CCDC150: variants seen among roughly 807,000 people sequenced by gnomAD.
CCDC150 encodes coiled-coil domain-containing protein 150.
Under a neutral mutation model 156.5 loss-of-function variants are expected in CCDC150, and 151 were observed. That is an observed-to-expected ratio of 0.97 (90% CI 0.85 to 1.10). CCDC150 has a LOEUF of 1.10. Among genes scored for constraint, CCDC150 ranks in the 50% least tolerant of loss-of-function variants. The pLI is 0.00. For synonymous variants in CCDC150, 452 were observed against 429.4 expected (o/e 1.05, Z -0.65); for missense variants, 1,312 against 1,268.1 (o/e 1.03, Z -0.53).
Position 196,639,777 on chromosome 2 carries a change from A to T in CCDC150, c.11A>T (p.Lys4Met). The T allele has an allele frequency of 6.3e-7, 1 of 1,579,424 alleles. No homozygotes were observed. The highest frequency in any genetic ancestry group is 8.6e-7 in the Non-Finnish European group (1 of 1,159,056). Residue 4 changes from lysine to methionine, a missense_variant and splice_region_variant, in exon 1 of 28, where the codon AAG becomes ATG. Lys to Met is a moderately conservative substitution (Grantham distance 95). Coordinates refer to ENST00000389175, the MANE Select transcript of CCDC150 (RefSeq NM_001080539.2). MDC[K>M]VHMETTVSRP... ...GCCTCAGGCGGACAGATGGACTGTA[A>T]GGTGAGGCTGCCGGGCCCCGGGCTG... is the stretch of plus-strand genomic sequence containing the variant.
chr2:196,694,086 C>T (rs925589665), intron 13 of CCDC150, among the ~76,000 whole-genome samples: 9 of 107,064 alleles, frequency 8.4e-5, no homozygotes, highest in Admixed American at 2.5e-4. Flanking sequence ...GATGGAGTTT[C>T]GCTCTTGTTA....
chr2:196,703,323 C>T (rs189730932), intron 15 of CCDC150, among the ~76,000 whole-genome samples: 1 of 152,202 alleles, frequency 6.6e-6, no homozygotes, highest in East Asian at 1.9e-4. Flanking sequence ...GCTTGCGGAA[C>T]AATACATTAC....
chr2:196,713,625 T>C, intron 17 of CCDC150: 1 of 1,499,460 alleles, frequency 6.7e-7, no homozygotes, highest in East Asian at 2.5e-5. Context: ...AAAATAGAGA[T>C]TCTAGCCTCA....
intron 18 of CCDC150, chr2:196,719,259 A>G: frequency 5.8e-6 from 2 of 346,590 alleles, no homozygotes; most frequent in South Asian, 5.8e-5. Context: ...ATGCTGTAAC[A>G]TGACCACAGT....
chr2:196,671,419 TTCTC>T (rs1173828147), intron 8 of CCDC150, among the ~76,000 whole-genome samples: 1 of 143,920 alleles, frequency 6.9e-6, no homozygotes, highest in South Asian at 2.3e-4. Context: ...TTTCTTTCTT[TTCTC>T]TCTCTTTTTT....
chr2:196,685,926 T>C lies in CCDC150; in HGVS notation c.1509+8565T>C, dbSNP rs574220043. On this transcript the variant is annotated intron_variant, in intron 13 of 27. Coordinates refer to ENST00000389175, the MANE Select transcript of CCDC150 (RefSeq NM_001080539.2). ...ACCGCGCCCAGCCGGTTGAATGTTT[T>C]TCTTTCAGCATTTTGAATATGTCAT... Among the ~76,000 whole-genome samples the C allele has an allele frequency of 2.0e-5, 3 of 152,294 alleles. No individual in the cohort carries two copies. In the East Asian group the frequency reaches 5.8e-4, roughly 29 times the overall value.
chr2:196,685,948 T>C (rs988524829), intron 13 of CCDC150, among the ~76,000 whole-genome samples: 1 of 152,130 alleles, frequency 6.6e-6, no homozygotes, highest in African/African-American at 2.4e-5. Context: ...TTTGAATATG[T>C]CATCCCACTG....
At position 196,732,578 on chromosome 2, in the gene CCDC150, A is replaced by C. The variant is rs1698583528; in HGVS notation, c.*16A>C. On this transcript the variant is annotated 3_prime_UTR_variant, in exon 28 of 28. Transcript: ENST00000389175. Reference sequence around the variant, plus strand: ...GAGGAAGTGATGTCCTTGACAAGGGAGCTTCTTTATGTGTAGCTACACTCC... The same window carrying C: ...GAGGAAGTGATGTCCTTGACAAGGGCGCTTCTTTATGTGTAGCTACACTCC... 2.0e-6 allele frequency: 3 copies of C among 1,537,796 alleles called. No homozygotes were observed. Among genetic ancestry groups the C allele is most frequent in the Non-Finnish European group, 2.7e-6 (3 of 1,110,950 alleles).
At chr2:196,709,900 C>T (rs1490877690) in intron 15 of CCDC150, among the ~76,000 whole-genome samples, 1 of 152,128 alleles carries the variant, frequency 6.6e-6, no homozygotes, top group African/African-American at 2.4e-5. Flanking sequence ...TGGTGGGGCA[C>T]CCGGCTGTAT....
At chr2:196,709,134 G>A (rs1392499113) in intron 15 of CCDC150, among the ~76,000 whole-genome samples, 1 of 152,122 alleles carries the variant, frequency 6.6e-6, no homozygotes, top group Non-Finnish European at 1.5e-5. Context: ...TCACTTTCAG[G>A]TACACCAATC....
At position 196,732,071 on chromosome 2, in the gene CCDC150, G is replaced by A; in HGVS notation, c.3108G>A (p.Lys1036=). 8.1e-6 allele frequency: 13 copies of A among 1,613,790 alleles called. No individual in the cohort carries two copies. The highest frequency in any genetic ancestry group is 1.1e-5 in the Non-Finnish European group (13 of 1,179,746). Residue 1036 remains lysine, a synonymous_variant, in exon 27 of 28, where the codon AAG becomes AAA. Coordinates refer to ENST00000389175, the MANE Select transcript of CCDC150 (RefSeq NM_001080539.2). Reference sequence around the variant, plus strand: ...TGGAAGAAGCTCATCGCTGGTTTAAGCACAGGTTTGATGGTCTACAACTTG... The same window carrying A: ...TGGAAGAAGCTCATCGCTGGTTTAAACACAGGTTTGATGGTCTACAACTTG... ...ANLEEAHRWF[K]HRFDGLQLEL...
intron 17 of CCDC150, among the ~76,000 whole-genome samples, chr2:196,714,079 A>G (rs1697324210): frequency 6.6e-6 from 1 of 152,184 alleles, no homozygotes; most frequent in African/African-American, 2.4e-5. Context: ...TCTTTATCTG[A>G]TATTTAGAAA....
chr2:196,680,993 G>A (rs1694782345), intron 13 of CCDC150, among the ~76,000 whole-genome samples: 1 of 152,114 alleles, frequency 6.6e-6, no homozygotes, highest in African/African-American at 2.4e-5. Context: ...ATTTTAAAGT[G>A]AACAATTCAG....
At chr2:196,728,044 C>T (rs1021602886) in intron 22 of CCDC150, 5 of 136,018 alleles carry the variant, frequency 3.7e-5, no homozygotes, top group Non-Finnish European at 7.9e-5. Flanking sequence ...AGAATACTTA[C>T]AAAATGAAAT....
chr2:196,694,433 G>T (rs921050221), intron 13 of CCDC150, among the ~76,000 whole-genome samples: 1 of 152,080 alleles, frequency 6.6e-6, no homozygotes, highest in African/African-American at 2.4e-5. Flanking sequence ...TTATAGTAAA[G>T]GGGAACTATA....
intron 2 of CCDC150, among the ~76,000 whole-genome samples, chr2:196,650,078 A>C (rs1341758708): frequency 1.3e-5 from 2 of 152,198 alleles, no homozygotes; most frequent in Non-Finnish European, 2.9e-5. Context: ...TTCAGTCCTG[A>C]TCAGAAGCTT....
intron 5 of CCDC150, among the ~76,000 whole-genome samples, chr2:196,660,189 C>G (rs1365840480): frequency 1.3e-5 from 2 of 152,174 alleles, no homozygotes; most frequent in African/African-American, 4.8e-5. Flanking sequence ...GTATGTACCA[C>G]AATTTGTTTA....
At chr2:196,697,092 T>G (rs946577654) in intron 14 of CCDC150, among the ~76,000 whole-genome samples, 23 of 152,338 alleles carry the variant, frequency 1.5e-4, no homozygotes, top group African/African-American at 5.5e-4. Context: ...CTGCATTCAC[T>G]CTCTTCTAAT....
intron 21 of CCDC150, among the ~76,000 whole-genome samples, chr2:196,725,304 G>A (rs185469014): frequency 6.6e-6 from 1 of 152,140 alleles, no homozygotes; most frequent in African/African-American, 2.4e-5. Flanking sequence ...GTTTAAATCC[G>A]TTTAGTCCTT....
Sources: allele counts gnomAD v4.1 joint callset (sites outside exome capture counted in the v4.1 genomes callset), GRCh38; gene constraint gnomAD v4.1.1; transcripts MANE v1.5; gene names NCBI Gene and HGNC (gene_info 2026-07-23, HGNC 2026-07-21).